The following FNBP1 variants were observed in gnomAD, a reference collection of about 807,000 sequenced individuals.
The protein encoded by FNBP1 is formin binding protein 1, also known as formin-binding protein 1.
Under a neutral mutation model 90.6 loss-of-function variants are expected in FNBP1, and 26 were observed. That is an observed-to-expected ratio of 0.29 (90% CI 0.21 to 0.40). The LOEUF (loss-of-function observed/expected upper bound fraction) is 0.40. Ranked by LOEUF, FNBP1 falls within the 10% of genes least tolerant of loss-of-function variation. The pLI is 1.00. For synonymous variants in FNBP1, 260 were observed against 265.2 expected, an observed-to-expected ratio of 0.98 and a Z score of 0.19; for missense variants, 635 against 768.0, an observed-to-expected ratio of 0.83 and a Z score of 2.05.
rs1034107491 is a variant in FNBP1, at chr9:129,957,068, G to C, written c.513+292C>G. On this transcript the variant is annotated intron_variant, in intron 6 of 16. Coordinates refer to ENST00000446176, the MANE Select transcript of FNBP1 (RefSeq NM_015033.3). This position sits in a 1 kb window ranked among gnomAD's most constrained non-coding sequence, Gnocchi z 4.3. Reference sequence around the variant, plus strand: ...TTTTTTTTTTTTTGGCGATAGTTTCGCTCTTGTTACCCAGGCTGGAGTGCA... The same window carrying C: ...TTTTTTTTTTTTTGGCGATAGTTTCCCTCTTGTTACCCAGGCTGGAGTGCA... Among the ~76,000 whole-genome samples the C allele has an allele frequency of 6.9e-6, 1 of 144,946 alleles. No homozygotes were observed. Among genetic ancestry groups the C allele is most frequent in the Non-Finnish European group, 1.5e-5 (1 of 66,828 alleles).
intron 6 of FNBP1, among the ~76,000 whole-genome samples, chr9:129,933,115 C>T (rs918126204): frequency 2.2e-4 from 34 of 152,046 alleles, no homozygotes; most frequent in African/African-American, 7.2e-4. Context: ...GTAGTTTCCC[C>T]GTTTATTTTG....
intron 12 of FNBP1, among the ~76,000 whole-genome samples, chr9:129,908,206 T>TC (rs1564291630): frequency 7.5e-4 from 6 of 8,000 alleles, no homozygotes; most frequent in Non-Finnish European, 1.2e-3. Flanking sequence ...CTCTCTCTCT[T>TC]TTTTTTTTTT....
intron 1 of FNBP1, among the ~76,000 whole-genome samples, chr9:129,999,276 T>TG (rs1326092160): frequency 6.6e-6 from 1 of 152,084 alleles, no homozygotes; most frequent in Non-Finnish European, 1.5e-5. Context: ...ACGGTGGTTC[T>TG]GGGGGCCCCT....
intron 1 of FNBP1, among the ~76,000 whole-genome samples, chr9:130,030,452 AT>A (rs1428886259): frequency 3.1e-4 from 42 of 135,712 alleles, no homozygotes; most frequent in Admixed American, 3.7e-4. Flanking sequence ...AAAAAAAAAA[AT>A]CTAAACATAA....
intron 11 of FNBP1, among the ~76,000 whole-genome samples, 165 bp downstream of exon 11, chr9:129,915,801 C>A (rs1488443446): frequency 6.6e-6 from 1 of 152,134 alleles, no homozygotes; most frequent in African/African-American, 2.4e-5. Flanking sequence ...GATTCTGGAC[C>A]TTTGTATCCA....
intron 15 of FNBP1, among the ~76,000 whole-genome samples, chr9:129,898,118 C>A (rs2131264974): frequency 6.6e-6 from 1 of 152,260 alleles, no homozygotes. Context: ...GCGTGAGCCA[C>A]CATGCCCGGC....
At chr9:130,004,217 C>T (rs1015007277) in intron 1 of FNBP1, among the ~76,000 whole-genome samples, 2 of 151,280 alleles carry the variant, frequency 1.3e-5, no homozygotes, top group Non-Finnish European at 2.9e-5. Context: ...GAGCCAAGAT[C>T]GCGCCACTGT....
In FNBP1 at chr9:130,021,543, C is replaced by T. The variant is rs187085817; in HGVS notation, c.24+21409G>A. Reference sequence around the variant, plus strand: ...TTAATGACTGATTTGGTGGAAATTACTTTGCAGAAATAACAATTTCCAATT... The same window carrying T: ...TTAATGACTGATTTGGTGGAAATTATTTTGCAGAAATAACAATTTCCAATT... On this transcript the variant is annotated intron_variant, in intron 1 of 16. Coordinates refer to ENST00000446176, the MANE Select transcript of FNBP1 (RefSeq NM_015033.3). Among the ~76,000 whole-genome samples, 754 of 152,252 alleles carry T rather than the reference C, an allele frequency of 5.0e-3. 6 individuals carry two copies. The highest frequency in any genetic ancestry group is 0.017 in the Middle Eastern group (5 of 294).
chr9:129,947,260 G>A (rs1320662150), intron 6 of FNBP1, among the ~76,000 whole-genome samples: 3 of 151,960 alleles, frequency 2.0e-5, no homozygotes, highest in African/African-American at 7.3e-5. Flanking sequence ...GACCAACATG[G>A]TGAAATCCCG....
intron 1 of FNBP1, among the ~76,000 whole-genome samples, chr9:130,018,645 G>A (rs1401197796): frequency 6.6e-6 from 1 of 152,030 alleles, no homozygotes; most frequent in Non-Finnish European, 1.5e-5. Context: ...AGCTCACTAT[G>A]CTGCCCAGGC....
chr9:129,905,666 C>T (rs975527213), intron 12 of FNBP1, among the ~76,000 whole-genome samples: 21 of 146,034 alleles, frequency 1.4e-4, no homozygotes, highest in Non-Finnish European at 2.8e-4. Flanking sequence ...TGAGATAGAT[C>T]GTAAGTGAGG....
intron 16 of FNBP1, among the ~76,000 whole-genome samples, chr9:129,891,650 A>T (rs1352184388): frequency 6.6e-6 from 1 of 152,288 alleles, no homozygotes; most frequent in South Asian, 2.1e-4. Flanking sequence ...CTTCATCTCA[A>T]GGAGAGAGAA....
chr9:129,894,715 C>T (rs955133956), intron 16 of FNBP1, among the ~76,000 whole-genome samples: 13 of 152,312 alleles, frequency 8.5e-5, no homozygotes, highest in South Asian at 2.1e-4. Context: ...TGCAGGGACA[C>T]GCTCTGCCTT....
chr9:129,998,341 C>A (rs1401789598), intron 1 of FNBP1, among the ~76,000 whole-genome samples: 1 of 151,892 alleles, frequency 6.6e-6, no homozygotes, highest in East Asian at 1.9e-4. Context: ...ATGGTAAAAC[C>A]CTGTCTCTAC....
chr9:130,050,655 TTTTTTTA>T, the FNBP1 span, among the ~76,000 whole-genome samples: 1 of 150,946 alleles, frequency 6.6e-6, no homozygotes, highest in Admixed American at 6.6e-5. Context: ...ACTCTTTTTT[TTTTTTTA>T]TTTGACAGGG....
chr9:129,950,618 C>T (rs1346315700), intron 6 of FNBP1, among the ~76,000 whole-genome samples: 1 of 152,098 alleles, frequency 6.6e-6, no homozygotes, highest in South Asian at 2.1e-4. Flanking sequence ...GAGTCCAAAC[C>T]CTAAGTTGAA....
chr9:130,025,394 T>C (rs765360132), intron 1 of FNBP1, among the ~76,000 whole-genome samples: 2 of 152,196 alleles, frequency 1.3e-5, no homozygotes, highest in Non-Finnish European at 2.9e-5. Flanking sequence ...AAGTAAAGTT[T>C]CTAACTTTAG....
At chr9:129,916,580 C>G (rs548766649) in intron 10 of FNBP1, among the ~76,000 whole-genome samples, 1 of 150,148 alleles carries the variant, frequency 6.7e-6, no homozygotes, top group Non-Finnish European at 1.5e-5. Flanking sequence ...TCGCGCATTG[C>G]ACTCCAGCCT....
intron 1 of FNBP1, among the ~76,000 whole-genome samples, chr9:130,022,903 T>G (rs536590597): frequency 6.6e-6 from 1 of 152,262 alleles, no homozygotes; most frequent in Non-Finnish European, 1.5e-5. Context: ...TCCCAGCACT[T>G]CAGGAGGCTG....
Sources: allele counts gnomAD v4.1 joint callset (sites outside exome capture counted in the v4.1 genomes callset), GRCh38; gene constraint gnomAD v4.1.1; non-coding constraint Gnocchi (gnomAD v3.1); transcripts MANE v1.5; gene names NCBI Gene and HGNC (gene_info 2026-07-23, HGNC 2026-07-21).